Variants in ARHGEF28 observed in about 807,000 individuals in gnomAD.
The protein encoded by ARHGEF28 is 190 kDa guanine nucleotide exchange factor.
In ARHGEF28, 152 loss-of-function variants were observed where a neutral mutation model predicts 206.6. That is an observed-to-expected ratio of 0.74 (90% CI 0.64 to 0.84). The LOEUF is 0.84. Ranked by LOEUF, ARHGEF28 falls within the 40% of genes least tolerant of loss-of-function variation. The pLI, the probability that ARHGEF28 is intolerant of heterozygous loss-of-function variation, is 0.00. For synonymous variants in ARHGEF28, 763 were observed against 776.4 expected (o/e 0.98, Z 0.29); for missense variants, 2,028 against 2,073.2 (o/e 0.98, Z 0.42).
At chr5:73,675,302 GT>G (rs1206104147) in intron 1 of ARHGEF28, among the ~76,000 whole-genome samples, 1 of 151,812 alleles carries the variant, frequency 6.6e-6, no homozygotes, top group African/African-American at 2.4e-5. Flanking sequence ...AGAAGAAACT[GT>G]TTTTTTTCTA....
intron 26 of ARHGEF28, among the ~76,000 whole-genome samples, chr5:73,888,376 G>GTATTAC (rs1343256064): frequency 6.6e-6 from 1 of 152,210 alleles, no homozygotes; most frequent in Non-Finnish European, 1.5e-5. Flanking sequence ...AATTTGAACT[G>GTATTAC]TATTACAAAT....
At position 73,795,324 on chromosome 5, in the gene ARHGEF28, C is replaced by T. The variant is rs73118524; in HGVS notation, c.964-7C>T. 0.085 allele frequency: 137,790 copies of T among 1,612,788 alleles called. 14,150 individuals are homozygous for T. The highest frequency in any genetic ancestry group is 0.48 in the African/African-American group (36,206 of 74,826). On this transcript the variant is annotated splice_polypyrimidine_tract_variant and splice_region_variant and intron_variant, in intron 8 of 35. Transcript: ENST00000513042. The stretch of plus-strand genomic sequence containing the variant: ...TTTAAAAATCCACCTGACTTTATCT[C>T]TTCCAGCGTGTCAAAAGCCTGGTGG...
intron 23 of ARHGEF28, among the ~76,000 whole-genome samples, chr5:73,883,242 A>C (rs150184173): frequency 6.6e-6 from 1 of 152,228 alleles, no homozygotes; most frequent in South Asian, 2.1e-4. Flanking sequence ...TTTATCTGCC[A>C]TGTTAAGAAT....
At chr5:73,898,960 T>C (rs1347208481) in intron 30 of ARHGEF28, 1 of 152,166 alleles carries the variant, frequency 6.6e-6, no homozygotes, top group African/African-American at 2.4e-5. Context: ...GAACTCAAGA[T>C]TGGAAGATTA....
chr5:73,685,785 G>A (rs1747427574), intron 2 of ARHGEF28, among the ~76,000 whole-genome samples: 1 of 151,972 alleles, frequency 6.6e-6, no homozygotes, highest in African/African-American at 2.4e-5. Flanking sequence ...ACCACGCCTG[G>A]CTAATTTTTT....
At position 73,631,211 on chromosome 5, in the gene ARHGEF28, T is replaced by A. The variant is rs140404181; in HGVS notation, c.-12+4889T>A. Reference sequence around the variant, plus strand: ...AGAAGTCTCATGAAGGACTTTTAAGTATGGTGAAAAGCAAGAGGTTTCATT... The same window carrying A: ...AGAAGTCTCATGAAGGACTTTTAAGAATGGTGAAAAGCAAGAGGTTTCATT... On this transcript the variant is annotated intron_variant, in intron 1 of 35. Transcript: ENST00000513042. Among the ~76,000 whole-genome samples the A allele has an allele frequency of 1.3e-3, 191 of 152,304 alleles. 1 individual carries two copies. Among genetic ancestry groups the A allele is most frequent in the African/African-American group, 4.5e-3 (186 of 41,570 alleles).
At chr5:73,799,092 A>T (rs1229646200) in intron 9 of ARHGEF28, among the ~76,000 whole-genome samples, 3 of 152,160 alleles carry the variant, frequency 2.0e-5, no homozygotes. Flanking sequence ...TCCATCTCAA[A>T]AACAAATAGG....
intron 5 of ARHGEF28, among the ~76,000 whole-genome samples, chr5:73,775,481 T>C (rs1317832166): frequency 6.6e-6 from 1 of 152,110 alleles, no homozygotes; most frequent in Non-Finnish European, 1.5e-5. Flanking sequence ...GTGTCAAGAG[T>C]TTGGAGAGGT....
intron 9 of ARHGEF28, among the ~76,000 whole-genome samples, chr5:73,824,762 C>T (rs1482824097): frequency 7.0e-6 from 1 of 142,042 alleles, no homozygotes; most frequent in Non-Finnish European, 1.6e-5. Flanking sequence ...GCCACTGCGC[C>T]AGACCTGAAG....
At chr5:73,767,514 AAGAGACTGAC>A (rs1752962103) in intron 4 of ARHGEF28, among the ~76,000 whole-genome samples, 1 of 152,138 alleles carries the variant, frequency 6.6e-6, no homozygotes, top group South Asian at 2.1e-4. Flanking sequence ...CGTTTTAGCA[AAGAGACTGAC>A]AGCATTTTGC....
rs79574901 is a variant in ARHGEF28, at chr5:73,699,234, C to T, written c.33+14350C>T. Among the ~76,000 whole-genome samples the T allele has an allele frequency of 6.6e-4, 100 of 151,314 alleles. 1 individual carries two copies. In the East Asian group the frequency reaches 0.016, roughly 24 times the overall value. On this transcript the variant is annotated intron_variant, in intron 2 of 35. Coordinates refer to ENST00000513042, the MANE Select transcript of ARHGEF28 (RefSeq NM_001177693.2). ...GTGGGGAGTGCAATTTCTGAATAAC[C>T]GTGAAGTTATGGTCATGAAAGGTGG...
rs1372259452 is a variant in ARHGEF28, at chr5:73,868,103, C to T, written c.2301C>T (p.Phe767=). ...RSVPGTTLES[F]RRSATSLESE... ...TGCTCCCCTCCCTCTCTCCTAGCTT[C>T]AGGAGGTCAGCCACATCCTTGGAGT... The change falls in exon 20 of 36, where the codon TTC becomes TTT. Residue 767 remains phenylalanine, a synonymous_variant. Transcript: ENST00000513042. 4.3e-6 allele frequency: 7 copies of T among 1,612,214 alleles called. No homozygotes were observed. Among genetic ancestry groups the T allele is most frequent in the African/African-American group, 2.7e-5 (2 of 74,904 alleles).
At chr5:73,640,233 C>G (rs1374205694) in intron 1 of ARHGEF28, among the ~76,000 whole-genome samples, 1 of 152,108 alleles carries the variant, frequency 6.6e-6, no homozygotes, top group African/African-American at 2.4e-5. Context: ...GGACATAATC[C>G]CATAAGTGCT....
At chr5:73,892,025 A>T (rs760683185) in intron 26 of ARHGEF28, 27 bp from the exon 27 acceptor site, 1 of 1,580,162 alleles carries the variant, frequency 6.3e-7, no homozygotes, top group South Asian at 1.2e-5. Flanking sequence ...ATGCTGTTTC[A>T]TCTGCTCACC....
chr5:73,909,562 G>A lies in ARHGEF28; in HGVS notation c.4312G>A (p.Ala1438Thr), dbSNP rs1762755080. The change falls in exon 34 of 36, where the codon GCC becomes ACC. Residue 1438 changes from alanine to threonine, a missense_variant. Physicochemically the swap from Ala to Thr is moderately conservative, Grantham distance 58 (BLOSUM62 0). Transcript: ENST00000513042. ...CGCGGACAGGCAGCATGAGGAGCTG[G>A]CCAATGTGCACCAGCTTCAGCACCA... ...RDADRQHEEL[A>T]NVHQLQHQLQ... 6.4e-7 allele frequency: 1 copy of A among 1,572,656 alleles called. No individual in the cohort carries two copies. The highest frequency in any genetic ancestry group is 1.4e-5 in the African/African-American group (1 of 73,958).
intron 22 of ARHGEF28, among the ~76,000 whole-genome samples, chr5:73,881,983 G>A (rs1760981951): frequency 6.6e-6 from 1 of 152,044 alleles, no homozygotes; most frequent in African/African-American, 2.4e-5. Context: ...CCCTACTAAG[G>A]ACTCAGTCTA....
At chr5:73,775,204 C>A (rs1421864429) in intron 5 of ARHGEF28, among the ~76,000 whole-genome samples, 1 of 152,216 alleles carries the variant, frequency 6.6e-6, no homozygotes, top group Non-Finnish European at 1.5e-5. Context: ...AGGCACACTT[C>A]ATCTGTTGGT....
chr5:73,840,821 C>G, intron 11 of ARHGEF28, 61 bp downstream of exon 11: 1 of 1,483,980 alleles, frequency 6.7e-7, no homozygotes. Flanking sequence ...AGGTAGACTT[C>G]AAAAATTCTA....
chr5:73,765,574 T>A (rs1212340418), intron 4 of ARHGEF28, among the ~76,000 whole-genome samples: 2 of 152,238 alleles, frequency 1.3e-5, no homozygotes, highest in Non-Finnish European at 2.9e-5. Context: ...TACTTATGAC[T>A]GGTTTATTGA....
Sources: allele counts gnomAD v4.1 joint callset (sites outside exome capture counted in the v4.1 genomes callset), GRCh38; gene constraint gnomAD v4.1.1; transcripts MANE v1.5; gene names NCBI Gene and HGNC (gene_info 2026-07-23, HGNC 2026-07-21).